Variants in FGF12 observed in about 807,000 individuals in gnomAD.
FGF12 encodes the protein fibroblast growth factor 12B.
A neutral mutation model predicts 23.6 loss-of-function variants in FGF12; 14 were observed. The observed-to-expected ratio is 0.59, with a 90% CI of 0.39 to 0.93. The LOEUF (loss-of-function observed/expected upper bound fraction) is 0.93, where lower values mean the gene tolerates loss of function less well. FGF12 is among the 40% of genes least tolerant of loss of function. The pLI is 0.00. For synonymous variants in FGF12, 62 were observed against 77.3 expected (o/e 0.80, Z 1.04); for missense variants, 175 against 217.8 (o/e 0.80, Z 1.24).
At chr3:192,645,767 TAAAAAA>T (rs55809400) in intron 2 of FGF12, among the ~76,000 whole-genome samples, 2,557 of 71,090 alleles carry the variant, frequency 0.036, 36 homozygotes, top group Middle Eastern at 0.069. Flanking sequence ...ACAAAACAGG[TAAAAAA>T]AAAAAAAAAA....
intron 2 of FGF12, among the ~76,000 whole-genome samples, chr3:192,675,499 A>T (rs1046492433): frequency 6.6e-6 from 1 of 152,130 alleles, no homozygotes; most frequent in East Asian, 1.9e-4. Flanking sequence ...TCACCCCAAA[A>T]CAATATAAAC....
At chr3:192,588,299 G>T (rs1235180081) in intron 2 of FGF12, among the ~76,000 whole-genome samples, 9 of 132,256 alleles carry the variant, frequency 6.8e-5, no homozygotes, top group Non-Finnish European at 1.4e-4. Flanking sequence ...GCAGTGAGCC[G>T]AGATCGCGCC....
chr3:192,382,026 T>G (rs1244609227), intron 2 of FGF12, among the ~76,000 whole-genome samples: 2 of 151,758 alleles, frequency 1.3e-5, no homozygotes, highest in East Asian at 3.9e-4. Flanking sequence ...AGATGGAGTC[T>G]CGCTCTGTCA....
intron 4 of FGF12, among the ~76,000 whole-genome samples, chr3:192,276,204 A>G (rs1019377122): frequency 9.0e-5 from 12 of 133,246 alleles, no homozygotes; most frequent in Admixed American, 3.2e-4. Context: ...CACTGCAGAA[A>G]ATATAGTCCA....
intron 2 of FGF12, among the ~76,000 whole-genome samples, chr3:192,656,459 T>A (rs974854331): frequency 3.3e-5 from 5 of 152,180 alleles, no homozygotes; most frequent in Non-Finnish European, 5.9e-5. Context: ...TTTGTTTCTC[T>A]AGTGCAGTGG....
At chr3:192,591,788 C>G (rs1423861534) in intron 2 of FGF12, among the ~76,000 whole-genome samples, 1 of 151,904 alleles carries the variant, frequency 6.6e-6, no homozygotes, top group Admixed American at 6.6e-5. Flanking sequence ...ATTTTCTGCA[C>G]AAGCCCTTCA....
intron 2 of FGF12, among the ~76,000 whole-genome samples, chr3:192,604,129 G>A (rs915264003): frequency 2.6e-5 from 4 of 152,078 alleles, no homozygotes; most frequent in Admixed American, 2.0e-4. Context: ...GAAAAATATG[G>A]CTCTTTTTGC....
At position 192,170,537 on chromosome 3, in the gene FGF12, A is replaced by G. The variant is rs1715492969; in HGVS notation, c.348T>C (p.Asn116=). 6.2e-7 allele frequency: 1 copy of G among 1,614,006 alleles called. No individual in the cohort carries two copies. The highest frequency in any genetic ancestry group is 1.3e-5 in the African/African-American group (1 of 75,004). Residue 116 remains asparagine (N), a synonymous_variant, in exon 5 of 6, where the codon AAT becomes AAC. Coordinates refer to ENST00000445105, the MANE Select transcript of FGF12 (RefSeq NM_004113.6). Reference sequence around the variant, plus strand: ...TCCCCTTCATAATTTGACCTTCTTTATTGAGTCCCAGAAACCAAGCTCGGC... The same window carrying G: ...TCCCCTTCATAATTTGACCTTCTTTGTTGAGTCCCAGAAACCAAGCTCGGC... ...ESGRAWFLGL[N]KEGQIMKGNR...
intron 5 of FGF12, among the ~76,000 whole-genome samples, chr3:192,162,326 T>C (rs1714927816): frequency 6.6e-6 from 1 of 152,120 alleles, no homozygotes; most frequent in Non-Finnish European, 1.5e-5. Context: ...TTCACTGTGC[T>C]ATACATATTT....
At chr3:192,604,176 C>A (rs1714240031) in intron 2 of FGF12, among the ~76,000 whole-genome samples, 1 of 152,096 alleles carries the variant, frequency 6.6e-6, no homozygotes, top group Admixed American at 6.6e-5. Context: ...TGATTGTCTT[C>A]CCTTGTTCCC....
At chr3:192,445,890 G>A (rs927323659) in intron 2 of FGF12, among the ~76,000 whole-genome samples, 3 of 152,144 alleles carry the variant, frequency 2.0e-5, no homozygotes, top group African/African-American at 4.8e-5. Context: ...CTCAGGCACC[G>A]TGACTGCAGA....
intron 4 of FGF12, among the ~76,000 whole-genome samples, chr3:192,252,069 G>T (rs1712049784): frequency 6.6e-6 from 1 of 151,888 alleles, no homozygotes; most frequent in Admixed American, 6.6e-5. Flanking sequence ...TTTTTTTTGT[G>T]TGTAAGTCTT....
At chr3:192,283,671 C>T (rs1277126210) in intron 4 of FGF12, among the ~76,000 whole-genome samples, 1 of 152,054 alleles carries the variant, frequency 6.6e-6, no homozygotes, top group Non-Finnish European at 1.5e-5. Context: ...ACTCCTCCTA[C>T]ATCTTTATTC....
intron 2 of FGF12, among the ~76,000 whole-genome samples, chr3:192,362,345 G>C (rs146935532): frequency 0.045 from 6,782 of 152,090 alleles, 555 homozygotes; most frequent in African/African-American, 0.16. Flanking sequence ...CCATTAACTC[G>C]TCATTTACAT....
chr3:192,518,833 A>T (rs1342309611), intron 2 of FGF12, among the ~76,000 whole-genome samples: 6 of 152,036 alleles, frequency 3.9e-5, no homozygotes, highest in African/African-American at 1.4e-4. Context: ...TGTTATTTTA[A>T]AATTTCTCTT....
chr3:192,243,562 C>T (rs1262095041), intron 4 of FGF12, among the ~76,000 whole-genome samples: 1 of 151,218 alleles, frequency 6.6e-6, no homozygotes, highest in Non-Finnish European at 1.5e-5. Context: ...AAGTAAATTC[C>T]CTTTACAGTA....
Position 192,573,651 on chromosome 3 carries a change from T to TA in FGF12, c.13+153529dup, listed in dbSNP as rs1055966927. ...CAATTTCTTATAATAAATAAATAAA[T>TA]AAATAAAAATCTCCTATTGGTTCCA... On this transcript the variant is annotated intron_variant, in intron 2 of 5. Transcript: ENST00000445105. Among the ~76,000 whole-genome samples, 25 of 151,750 alleles carry TA rather than the reference T, an allele frequency of 1.6e-4. No individual in the cohort carries two copies. In the East Asian group the frequency reaches 2.1e-3, roughly 13 times the overall value.
At chr3:192,227,350 C>T (rs1718788594) in intron 4 of FGF12, among the ~76,000 whole-genome samples, 1 of 152,048 alleles carries the variant, frequency 6.6e-6, no homozygotes, top group African/African-American at 2.4e-5. Context: ...CCCTGTGCCT[C>T]TCACCTTGGT....
intron 4 of FGF12, among the ~76,000 whole-genome samples, chr3:192,226,741 A>T (rs1403182869): frequency 6.6e-6 from 1 of 152,130 alleles, no homozygotes; most frequent in Non-Finnish European, 1.5e-5. Context: ...ACTTAACTAC[A>T]ACATATCGTA....
Sources: allele counts gnomAD v4.1 joint callset (sites outside exome capture counted in the v4.1 genomes callset), GRCh38; gene constraint gnomAD v4.1.1; transcripts MANE v1.5; gene names NCBI Gene and HGNC (gene_info 2026-07-23, HGNC 2026-07-21).